Variants in C2orf49 observed in about 807,000 individuals in gnomAD.
C2orf49 encodes the protein tRNA splicing ligase complex subunit 2.
In C2orf49, 11 loss-of-function variants were observed where a neutral mutation model predicts 20.6. The ratio of observed to expected loss-of-function variants is 0.53; its 90% CI spans 0.34 to 0.88. The LOEUF is 0.88. C2orf49 is among the 40% of genes least tolerant of loss of function. C2orf49 has a pLI of 0.02. For missense variants in C2orf49, 289 were observed against 274.2 expected (o/e 1.05, Z -0.38); for synonymous variants, 134 against 108.5 (o/e 1.24, Z -1.46).
chr2:105,367,575 T>G, the C2orf49 span: 3 of 1,612,782 alleles, frequency 1.9e-6, no homozygotes, highest in East Asian at 6.7e-5. Flanking sequence ...GATACCTTTT[T>G]GCACTGAACG....
chr2:105,368,636 C>T, the C2orf49 span, among the ~76,000 whole-genome samples: 1 of 152,182 alleles, frequency 6.6e-6, no homozygotes. Context: ...AACTGAAACA[C>T]TTATGGGTCA....
Position 105,339,681 on chromosome 2 carries a change from G to A in C2orf49, c.198G>A (p.Pro66=), listed in dbSNP as rs145082926. The A allele has an allele frequency of 1.8e-4, 282 of 1,608,432 alleles. 1 individual carries two copies. The African/African-American group carries it at 3.0e-3, about 17-fold the overall frequency. The change falls in exon 2 of 4, where the codon CCG becomes CCA. Residue 66 remains proline (P), a synonymous_variant. Transcript: ENST00000258457. The part of the protein sequence containing the change: ...HAIPLPQRDL[P]KNRWGKMMEK... Reference sequence around the variant, plus strand: ...TACCATTGCCTCAGAGGGATTTGCCGAAGAATAGATGGGGGAAAATGATGG... The same window carrying A: ...TACCATTGCCTCAGAGGGATTTGCCAAAGAATAGATGGGGGAAAATGATGG...
rs35535744 is a variant in C2orf49 at position 105,343,118 on chromosome 2, T to C, written c.537T>C (p.His179=). 9.3e-4 allele frequency: 1,503 copies of C among 1,614,224 alleles called. 12 individuals are homozygous for C. The African/African-American group carries it at 0.018, about 19-fold the overall frequency. The part of the protein sequence containing the change: ...NDAKQNHDLT[H]RKSPSGPVKS... ...CTAAACAGAACCATGACTTAACGCATAGGAAAAGTCCTTCAGGCCCTGTGA... is the reference window on the plus strand; with the variant it reads ...CTAAACAGAACCATGACTTAACGCACAGGAAAAGTCCTTCAGGCCCTGTGA... The change falls in exon 3 of 4, where the codon CAT becomes CAC. Residue 179 remains histidine (H), a synonymous_variant. Transcript: ENST00000258457.
In C2orf49 at chr2:105,347,964, G is replaced by A. The variant is rs1679853827; in HGVS notation, c.*2593G>A. 1 of 151,830 alleles carries A rather than the reference G, an allele frequency of 6.6e-6. No homozygotes were observed. The highest frequency in any genetic ancestry group is 1.5e-5 in the Non-Finnish European group (1 of 67,996). The allele number at this position is 151,830 out of a possible 1,614,324, so 9.4% of individuals were successfully genotyped here. A position where few individuals can be genotyped will look rare whatever the true frequency, so the allele number is the denominator to read the frequency against. ...GGGTGGCTTGTAAGTTGTAGTTATA[G>A]GCACTTTACCACTTCCTGCCATTAG... On this transcript the variant is annotated 3_prime_UTR_variant, in exon 4 of 4. Coordinates refer to ENST00000258457, the MANE Select transcript of C2orf49 (RefSeq NM_024093.3).
At chr2:105,363,454 C>A in the C2orf49 span, 1 of 1,609,750 alleles carries the variant, frequency 6.2e-7, no homozygotes, top group Non-Finnish European at 8.5e-7. Flanking sequence ...GGTAAGTGAC[C>A]CCTCCCGTGG....
At chr2:105,363,625 G>A in the C2orf49 span, among the ~76,000 whole-genome samples, 10 of 152,170 alleles carry the variant, frequency 6.6e-5, no homozygotes, top group East Asian at 1.3e-3. Context: ...ACAGTCACTC[G>A]TCACCCTCAC....
the C2orf49 span, among the ~76,000 whole-genome samples, chr2:105,377,406 G>T: frequency 1.3e-5 from 2 of 152,120 alleles, no homozygotes; most frequent in African/African-American, 4.8e-5. Context: ...CGAGGCAGGC[G>T]GATCACCTGA....
At chr2:105,344,914 G>A (rs1274907913) in intron 3 of C2orf49, among the ~76,000 whole-genome samples, 1 of 152,136 alleles carries the variant, frequency 6.6e-6, no homozygotes, top group Non-Finnish European at 1.5e-5. Flanking sequence ...TTGTAAAGTT[G>A]ATGGAGGAGA....
the C2orf49 span, chr2:105,363,498 G>A: frequency 6.4e-7 from 1 of 1,574,178 alleles, no homozygotes; most frequent in Non-Finnish European, 8.6e-7. Flanking sequence ...GAGAGTTAGT[G>A]TGGCCTCTGT....
At chr2:105,381,538 G>C in the C2orf49 span, among the ~76,000 whole-genome samples, 1 of 152,122 alleles carries the variant, frequency 6.6e-6, no homozygotes, top group African/African-American at 2.4e-5. Flanking sequence ...GTGCACCTCT[G>C]CTGCTATGTC....
the C2orf49 span, among the ~76,000 whole-genome samples, chr2:105,373,207 C>T: frequency 2.0e-5 from 3 of 152,198 alleles, no homozygotes; most frequent in African/African-American, 7.2e-5. Flanking sequence ...TGAATGAGTA[C>T]AAATTCAGCA....
At chr2:105,384,995 G>A in the C2orf49 span, among the ~76,000 whole-genome samples, 7 of 152,336 alleles carry the variant, frequency 4.6e-5, no homozygotes, top group South Asian at 1.2e-3. Context: ...AGTGAGACAC[G>A]CAGCAGGCAA....
At position 105,341,942 on chromosome 2, in the gene C2orf49, C is replaced by T. The variant is rs578078377; in HGVS notation, c.267-906C>T. Among the ~76,000 whole-genome samples the T allele has an allele frequency of 7.9e-5, 12 of 152,250 alleles. No homozygotes were observed. The East Asian group carries it at 1.4e-3, about 17-fold the overall frequency. ...CCTGTAATCCCAGCATGTTGGGAGG[C>T]GGGCGGATTACCCTGAGGTCAGGAG... On this transcript the variant is annotated intron_variant, in intron 2 of 3. Transcript: ENST00000258457.
At chr2:105,364,077 C>T in the C2orf49 span, among the ~76,000 whole-genome samples, 11 of 151,940 alleles carry the variant, frequency 7.2e-5, no homozygotes, top group East Asian at 1.2e-3. Context: ...GCCAACATGG[C>T]GAAACCCCAT....
chr2:105,361,270 C>T, the C2orf49 span: 12 of 1,606,046 alleles, frequency 7.5e-6, no homozygotes, highest in Non-Finnish European at 1.7e-6. Flanking sequence ...GCAGCAACTT[C>T]TCTGTGTTGA....
the C2orf49 span, among the ~76,000 whole-genome samples, chr2:105,370,185 C>A: frequency 4.6e-4 from 70 of 152,028 alleles, 1 homozygote; most frequent in African/African-American, 1.6e-3. Context: ...CCAGCCTGGG[C>A]AACATAGAGA....
At position 105,337,681 on chromosome 2, in the gene C2orf49, GAGCA is replaced by G; in HGVS notation, c.95_98del (p.Glu32GlyfsTer4). ...CCAGGAGTTCCTTCTCCTCACTCTG[GAGCA>G]GGTTGGGCGCGCCGGATCGGAGGGT... On this transcript the variant is annotated frameshift_variant and splice_region_variant, in exon 1 of 4. Coordinates refer to ENST00000258457, the MANE Select transcript of C2orf49 (RefSeq NM_024093.3). LOFTEE classifies it high-confidence loss of function. The G allele has an allele frequency of 1.3e-6, 2 of 1,562,632 alleles. No individual in the cohort carries two copies. The highest frequency in any genetic ancestry group is 1.7e-6 in the Non-Finnish European group (2 of 1,146,004).
At chr2:105,379,546 G>A in the C2orf49 span, among the ~76,000 whole-genome samples, 1 of 152,172 alleles carries the variant, frequency 6.6e-6, no homozygotes, top group African/African-American at 2.4e-5. Context: ...TAGATGAGCA[G>A]ATTCAATGTA....
intron 2 of C2orf49, among the ~76,000 whole-genome samples, chr2:105,340,449 A>G (rs539778058): frequency 1.4e-3 from 208 of 152,322 alleles, no homozygotes; most frequent in African/African-American, 4.9e-3. Context: ...TCCAGGCAAT[A>G]GATGGCAGCA....
Sources: gnomAD v4.1 joint callset for allele counts (sites outside exome capture counted in the v4.1 genomes callset) on GRCh38, gnomAD v4.1.1 for gene constraint, MANE v1.5 for transcripts, NCBI Gene and HGNC (gene_info 2026-07-23, HGNC 2026-07-21) for gene names.